Variants in LRBA observed in about 807,000 individuals in gnomAD.
LRBA encodes the protein lipopolysaccharide-responsive and beige-like anchor protein.
In LRBA, 176 loss-of-function variants were observed where a neutral mutation model predicts 330.0. The ratio of observed to expected loss-of-function variants is 0.53; its 90% CI spans 0.47 to 0.60. The LOEUF is 0.60. Ranked by LOEUF, LRBA falls within the 20% of genes least tolerant of loss-of-function variation. The pLI is 0.00. For missense variants in LRBA, 3,259 were observed against 3,444.8 expected, an observed-to-expected ratio of 0.95 and a Z score of 1.35; for synonymous variants, 1,230 against 1,193.0, an observed-to-expected ratio of 1.03 and a Z score of -0.64.
At chr4:150,379,982 G>A (rs1741946549) in intron 47 of LRBA, among the ~76,000 whole-genome samples, 1 of 140,432 alleles carries the variant, frequency 7.1e-6, no homozygotes, top group Admixed American at 7.4e-5. Context: ...GACCAACATG[G>A]AGAAACCCCA....
intron 40 of LRBA, among the ~76,000 whole-genome samples, chr4:150,524,144 G>A (rs1170031843): frequency 6.6e-6 from 1 of 152,262 alleles, no homozygotes; most frequent in African/African-American, 2.4e-5. Context: ...TAAGGATACA[G>A]GAGAGTACTT....
At chr4:150,539,334 A>C (rs1009387865) in intron 40 of LRBA, among the ~76,000 whole-genome samples, 1 of 152,072 alleles carries the variant, frequency 6.6e-6, no homozygotes, top group Admixed American at 6.6e-5. Context: ...CTGCACCTCA[A>C]TTTCTTCATC....
intron 37 of LRBA, among the ~76,000 whole-genome samples, chr4:150,666,389 G>A (rs1781558052): frequency 1.3e-5 from 2 of 152,102 alleles, no homozygotes; most frequent in Non-Finnish European, 2.9e-5. Context: ...GTGTGTGCCT[G>A]TAATCCCAGC....
chr4:150,827,274 T>C (rs890929592), intron 30 of LRBA, among the ~76,000 whole-genome samples: 7 of 152,212 alleles, frequency 4.6e-5, no homozygotes, highest in South Asian at 4.1e-4. Context: ...CCTTCTATGA[T>C]ACAGGCACTG....
Position 150,868,250 on chromosome 4 carries a change from G to A in LRBA, c.2505C>T (p.Ser835=). ...LLRNSPQCPE[S]MEVRRAFLSD... is the part of the protein sequence containing the mutation. Reference sequence around the variant, plus strand: ...AAAGAAAGGCTCTGCGAACCTCCATGCTCTCTGGGCACTGGGGAGAATTTC... The same window carrying A: ...AAAGAAAGGCTCTGCGAACCTCCATACTCTCTGGGCACTGGGGAGAATTTC... The change falls in exon 21 of 57, where the codon AGC becomes AGT. Residue 835 remains serine (S), a synonymous_variant. Transcript: ENST00000651943. 2.5e-6 allele frequency: 4 copies of A among 1,611,968 alleles called. No individual in the cohort carries two copies. The highest frequency in any genetic ancestry group is 1.7e-5 in the Admixed American group (1 of 59,978).
At chr4:150,529,728 A>AT (rs1275552934) in intron 40 of LRBA, among the ~76,000 whole-genome samples, 69 of 141,388 alleles carry the variant, frequency 4.9e-4, no homozygotes, top group African/African-American at 1.8e-3. Flanking sequence ...TCTCAAAAAA[A>AT]AAAAGAAAAA....
intron 30 of LRBA, among the ~76,000 whole-genome samples, chr4:150,823,764 G>A (rs1249679835): frequency 6.6e-6 from 1 of 152,030 alleles, no homozygotes; most frequent in Non-Finnish European, 1.5e-5. Context: ...GAGTTCACTT[G>A]TAGACGTGTG....
chr4:150,438,090 C>CA (rs935163076), intron 44 of LRBA, among the ~76,000 whole-genome samples: 1 of 152,162 alleles, frequency 6.6e-6, no homozygotes, highest in Non-Finnish European at 1.5e-5. Flanking sequence ...AATTCATTCT[C>CA]AAAAAACATT....
At chr4:150,927,065 G>GT (rs1195938323) in intron 4 of LRBA, among the ~76,000 whole-genome samples, 1 of 141,024 alleles carries the variant, frequency 7.1e-6, no homozygotes, top group Non-Finnish European at 1.5e-5. Flanking sequence ...GCAAGACTCC[G>GT]TCTCAAAAGA....
intron 36 of LRBA, chr4:150,720,967 C>G (rs1301902498): frequency 4.2e-6 from 2 of 472,244 alleles, no homozygotes; most frequent in African/African-American, 4.1e-5. Flanking sequence ...AATATTAAGT[C>G]AAGCAAGGCA....
chr4:150,559,256 T>C (rs1767735684), intron 40 of LRBA, among the ~76,000 whole-genome samples: 1 of 151,952 alleles, frequency 6.6e-6, no homozygotes, highest in Admixed American at 6.6e-5. Flanking sequence ...CTAAACTAGA[T>C]TATCTACTAG....
intron 37 of LRBA, among the ~76,000 whole-genome samples, chr4:150,682,238 C>G (rs1783116061): frequency 6.6e-6 from 1 of 152,082 alleles, no homozygotes; most frequent in Non-Finnish European, 1.5e-5. Flanking sequence ...AATAATAAAG[C>G]ACTTTGAAAC....
intron 46 of LRBA, among the ~76,000 whole-genome samples, chr4:150,430,755 A>T (rs1402354197): frequency 6.6e-6 from 1 of 152,094 alleles, no homozygotes; most frequent in East Asian, 1.9e-4. Context: ...GTTTCTAAAA[A>T]AGTATGGTTC....
chr4:150,972,913 A>C (rs1433158128), intron 2 of LRBA, among the ~76,000 whole-genome samples: 4 of 152,218 alleles, frequency 2.6e-5, no homozygotes, highest in Non-Finnish European at 4.4e-5. Context: ...ATTAATAGTC[A>C]GATCAAGTAT....
intron 37 of LRBA, among the ~76,000 whole-genome samples, chr4:150,664,251 T>C (rs954741264): frequency 7.2e-5 from 11 of 152,196 alleles, no homozygotes; most frequent in African/African-American, 2.7e-4. Context: ...TAGGTTGTAA[T>C]CATAACCGAT....
chr4:150,818,958 T>C (rs1038093539), intron 30 of LRBA, among the ~76,000 whole-genome samples: 2 of 152,068 alleles, frequency 1.3e-5, no homozygotes, highest in African/African-American at 4.8e-5. Flanking sequence ...TATACAGTAA[T>C]GGTCATACAG....
At chr4:150,294,951 TA>T (rs537235400) in intron 53 of LRBA, among the ~76,000 whole-genome samples, 141 of 145,908 alleles carry the variant, frequency 9.7e-4, no homozygotes, top group African/African-American at 1.0e-3. Context: ...CTCTGTCTCT[TA>T]AAAAAAAAAA....
intron 43 of LRBA, 86 bp downstream of exon 43, chr4:150,471,538 C>G: frequency 1.4e-6 from 1 of 724,436 alleles, no homozygotes; most frequent in East Asian, 2.8e-5. Context: ...ATAAAACAAG[C>G]TAGTTATACC....
chr4:150,734,515 G>A (rs1730937652), intron 36 of LRBA, among the ~76,000 whole-genome samples: 2 of 152,150 alleles, frequency 1.3e-5, no homozygotes, highest in South Asian at 2.1e-4. Context: ...AGCAACATAT[G>A]AGTTTATCTG....
Sources: gnomAD v4.1 joint callset for allele counts (sites outside exome capture counted in the v4.1 genomes callset) on GRCh38, gnomAD v4.1.1 for gene constraint, MANE v1.5 for transcripts, NCBI Gene and HGNC (gene_info 2026-07-23, HGNC 2026-07-21) for gene names.